The following COP1 variants were observed in gnomAD, a reference collection of about 807,000 sequenced individuals.
The protein encoded by COP1 is COP1 E3 ubiquitin ligase.
A neutral mutation model predicts 101.3 loss-of-function variants in COP1; 24 were observed. That is an observed-to-expected ratio of 0.24 (90% CI 0.17 to 0.33). The LOEUF (loss-of-function observed/expected upper bound fraction) is 0.33, where lower values mean the gene tolerates loss of function less well. COP1 is among the 10% of genes least tolerant of loss of function. The pLI is 1.00. For synonymous variants in COP1, 347 were observed against 341.9 expected (o/e 1.01, Z -0.17); for missense variants, 663 against 906.2 (o/e 0.73, Z 3.45).
chr1:176,187,477 G>T (rs2102077843), intron 1 of COP1, among the ~76,000 whole-genome samples: 1 of 151,956 alleles, frequency 6.6e-6, no homozygotes, highest in South Asian at 2.1e-4. Flanking sequence ...TCAAACTCCT[G>T]GGCTGGAGCG....
intron 5 of COP1, among the ~76,000 whole-genome samples, chr1:176,161,476 A>G (rs1310680919): frequency 6.6e-6 from 1 of 152,094 alleles, no homozygotes; most frequent in Non-Finnish European, 1.5e-5. Context: ...AACTAAAAAA[A>G]TTAGTGGTGT....
intron 6 of COP1, among the ~76,000 whole-genome samples, chr1:176,141,404 G>C (rs763814199): frequency 1.1e-4 from 17 of 152,216 alleles, no homozygotes; most frequent in Middle Eastern, 3.4e-3. Context: ...GGGAGGGTGA[G>C]GCAGGAGAAT....
At chr1:175,996,444 G>A (rs1285756370) in intron 15 of COP1, among the ~76,000 whole-genome samples, 1 of 151,990 alleles carries the variant, frequency 6.6e-6, no homozygotes, top group African/African-American at 2.4e-5. Flanking sequence ...ATTAGGAAAA[G>A]AGGAAGTCAA....
At chr1:176,065,641 C>T (rs934500429) in intron 11 of COP1, among the ~76,000 whole-genome samples, 1 of 150,792 alleles carries the variant, frequency 6.6e-6, no homozygotes, top group Non-Finnish European at 1.5e-5. Flanking sequence ...GAAAGCAGAA[C>T]ATAAACTCCT....
chr1:175,950,994 C>G (rs998032547), intron 18 of COP1, among the ~76,000 whole-genome samples: 1 of 152,104 alleles, frequency 6.6e-6, no homozygotes, highest in Non-Finnish European at 1.5e-5. Flanking sequence ...ACCTGTAATC[C>G]CAGCACTTTG....
At chr1:176,018,824 A>T (rs1199227706) in intron 15 of COP1, 1 of 151,916 alleles carries the variant, frequency 6.6e-6, no homozygotes, top group Non-Finnish European at 1.5e-5. Context: ...GTGAACCAAG[A>T]TCACACCACT....
chr1:175,987,466 A>G (rs1657395136), intron 17 of COP1, among the ~76,000 whole-genome samples: 1 of 152,192 alleles, frequency 6.6e-6, no homozygotes, highest in South Asian at 2.1e-4. Flanking sequence ...CCAGAAATAT[A>G]TTATAAGAAT....
chr1:176,076,095 G>T (rs1157476359), intron 11 of COP1, among the ~76,000 whole-genome samples: 2 of 151,050 alleles, frequency 1.3e-5, no homozygotes, highest in East Asian at 1.9e-4. Context: ...CGAAATTCTG[G>T]ACTTAAACTC....
chr1:176,008,448 A>C (rs1571634180), intron 15 of COP1, among the ~76,000 whole-genome samples: 2 of 152,198 alleles, frequency 1.3e-5, no homozygotes, highest in East Asian at 3.8e-4. Flanking sequence ...TACTTTCAAC[A>C]ACAGAATTAT....
intron 15 of COP1, among the ~76,000 whole-genome samples, chr1:175,992,852 A>G (rs7527463): frequency 0.4 from 60,556 of 152,036 alleles, 12,280 homozygotes; most frequent in Middle Eastern, 0.45. Context: ...ACCTCTGCAG[A>G]CTTAAATGTC....
chr1:176,073,802 G>A (rs1482506950), intron 11 of COP1, among the ~76,000 whole-genome samples: 3 of 152,198 alleles, frequency 2.0e-5, no homozygotes, highest in East Asian at 1.9e-4. Flanking sequence ...TTTCTGGTTC[G>A]GCCTTTTCTC....
chr1:176,145,145 T>C (rs1338156166), intron 6 of COP1, among the ~76,000 whole-genome samples: 1 of 152,034 alleles, frequency 6.6e-6, no homozygotes, highest in African/African-American at 2.4e-5. Context: ...TATATAAATA[T>C]CAAACCATTA....
At chr1:175,997,040 C>A (rs1304058428) in intron 15 of COP1, among the ~76,000 whole-genome samples, 12 of 150,824 alleles carry the variant, frequency 8.0e-5, no homozygotes, top group Non-Finnish European at 2.9e-5. Context: ...GGTACTGGTA[C>A]CAAAACAGAG....
At chr1:176,013,166 TA>T (rs1416550786) in intron 15 of COP1, among the ~76,000 whole-genome samples, 1 of 152,190 alleles carries the variant, frequency 6.6e-6, no homozygotes, top group East Asian at 1.9e-4. Context: ...AAATTTATCT[TA>T]TTTTTTATTG....
chr1:176,181,470 G>A (rs1697747367), intron 2 of COP1, among the ~76,000 whole-genome samples: 2 of 151,118 alleles, frequency 1.3e-5, no homozygotes, highest in Admixed American at 1.3e-4. Flanking sequence ...TGTTGGAATT[G>A]ACAGCCTCCA....
intron 9 of COP1, 101 bp downstream of exon 9, chr1:176,116,523 G>C: frequency 1.1e-6 from 1 of 910,752 alleles, no homozygotes; most frequent in South Asian, 1.5e-5. Context: ...ATTCAAAATG[G>C]TTGTCTTTGT....
In COP1 at chr1:176,033,368, A is replaced by G. The variant is rs569189166; in HGVS notation, c.1613-5680T>C. ...CTTGAACCCGGGTGGTGGAGGCTGC[A>G]GTGAGCTGAGATCGTGCCATTGCAC... On this transcript the variant is annotated intron_variant, in intron 14 of 19. Transcript: ENST00000367669. Among the ~76,000 whole-genome samples the G allele has an allele frequency of 2.6e-5, 4 of 152,260 alleles. No individual in the cohort carries two copies. In the East Asian group the frequency reaches 7.7e-4, roughly 29 times the overall value.
intron 8 of COP1, among the ~76,000 whole-genome samples, chr1:176,124,116 T>C (rs967109825): frequency 6.6e-6 from 1 of 152,168 alleles, no homozygotes; most frequent in African/African-American, 2.4e-5. Flanking sequence ...TTAATTTTTT[T>C]AAATTTTTAG....
chr1:176,009,852 T>C, intron 15 of COP1, among the ~76,000 whole-genome samples: 2 of 135,370 alleles, frequency 1.5e-5, no homozygotes, highest in East Asian at 5.0e-4. Flanking sequence ...AACATTATGA[T>C]GTTAAGTTAT....
Sources: allele counts gnomAD v4.1 joint callset (sites outside exome capture counted in the v4.1 genomes callset), GRCh38; gene constraint gnomAD v4.1.1; transcripts MANE v1.5; gene names NCBI Gene and HGNC (gene_info 2026-07-23, HGNC 2026-07-21).